The following HEATR1 variants were observed in gnomAD, a reference collection of about 807,000 sequenced individuals.
HEATR1 encodes HEAT repeat containing 1.
In HEATR1, 77 loss-of-function variants were observed where a neutral mutation model predicts 248.2. The observed-to-expected ratio is 0.31, with a 90% confidence interval of 0.26 to 0.37. HEATR1 has a LOEUF of 0.37. Ranked by LOEUF, HEATR1 falls within the 10% of genes least tolerant of loss-of-function variation. The pLI is 1.00. For missense variants in HEATR1, 2,420 were observed against 2,504.9 expected (o/e 0.97, Z 0.72); for synonymous variants, 897 against 923.1 (o/e 0.97, Z 0.51).
At chr1:236,578,532 A>AAATCTTTGGAC (rs1443999195) in intron 20 of HEATR1, among the ~76,000 whole-genome samples, 6 of 152,196 alleles carry the variant, frequency 3.9e-5, no homozygotes, top group African/African-American at 1.4e-4. Context: ...ATGCCTTTTC[A>AAATCTTTGGAC]AATCTTTGGA....
intron 28 of HEATR1, among the ~76,000 whole-genome samples, chr1:236,570,145 C>T (rs761613956): frequency 8.6e-5 from 13 of 152,026 alleles, no homozygotes; most frequent in South Asian, 2.1e-4. Flanking sequence ...AAAAATTAGC[C>T]GGGCGTGGTG....
chr1:236,558,881 A>G, intron 35 of HEATR1, 114 bp downstream of exon 35: 3 of 914,424 alleles, frequency 3.3e-6, no homozygotes, highest in Middle Eastern at 5.2e-4. Context: ...TTATATTCAG[A>G]AAATAATATA....
chr1:236,603,457 C>A, intron 2 of HEATR1, 81 bp from the exon 3 acceptor site: 1 of 1,105,720 alleles, frequency 9.0e-7, no homozygotes, highest in South Asian at 1.3e-5. Flanking sequence ...GTTTTACTTA[C>A]CCCTAAGAAG....
chr1:236,576,747 AACAC>A, intron 21 of HEATR1, 29 bp downstream of exon 21: 1 of 1,587,232 alleles, frequency 6.3e-7, no homozygotes, highest in Non-Finnish European at 8.6e-7. Context: ...CAGAGGCATG[AACAC>A]ACTCAATCTT....
Position 236,583,114 on chromosome 1 carries a change from A to C in HEATR1, c.2324T>G (p.Leu775Arg). ...VELWAHYVEELNSTQRVAVED... is the reference protein window; with the variant it reads ...VELWAHYVEERNSTQRVAVED... ...CACGGCCACCCTCTGAGTGCTGTTG[A>C]GCTCTTCTACATAATGTGCCCACAG... is the stretch of plus-strand genomic sequence containing the variant. The change falls in exon 18 of 45, where the codon CTC becomes CGC. Residue 775 changes from leucine to arginine, a missense_variant. Coordinates refer to ENST00000366582, the MANE Select transcript of HEATR1 (RefSeq NM_018072.6). 6.2e-7 allele frequency: 1 copy of C among 1,614,110 alleles called. No homozygotes were observed. Among genetic ancestry groups the C allele is most frequent in the African/African-American group, 1.3e-5 (1 of 75,054 alleles).
rs754328458 is a variant in HEATR1 at position 236,599,593 on chromosome 1, G to A, written c.391C>T (p.Leu131Phe). ...TGGTATGGCAGAACACAAGCAATGA[G>A]GCTATCTTGATTATAGAGATGTATA... ...FHIHLYNQDS[L>F]IACVLPYHET... Residue 131 changes from leucine to phenylalanine, a missense_variant, in exon 4 of 45, where the codon CTC becomes TTC. Coordinates refer to ENST00000366582, the MANE Select transcript of HEATR1 (RefSeq NM_018072.6). The A allele has an allele frequency of 7.4e-6, 12 of 1,613,386 alleles. No homozygotes were observed. The highest frequency in any genetic ancestry group is 1.0e-5 in the Non-Finnish European group (12 of 1,179,634).
Position 236,549,481 on chromosome 1 carries a change from G to A in HEATR1, c.*1421C>T, listed in dbSNP as rs1662612500. ...AGGAATATTTTCAGAACAGATTTTA[G>A]ATATTATTTCTATCCATATATTGAA... On this transcript the variant is annotated 3_prime_UTR_variant, in exon 45 of 45. Coordinates refer to ENST00000366582, the MANE Select transcript of HEATR1 (RefSeq NM_018072.6). The A allele has an allele frequency of 6.5e-6, 1 of 152,672 alleles. No homozygotes were observed. Among genetic ancestry groups the A allele is most frequent in the African/African-American group, 2.4e-5 (1 of 41,478 alleles). 9.5% of individuals were successfully genotyped at this position (152,672 alleles called of 1,614,324 possible). A position where few individuals can be genotyped will look rare whatever the true frequency, so the allele number is the denominator to read the frequency against.
In HEATR1 at chr1:236,572,842, GGAA is replaced by G; in HGVS notation, c.3460-17_3460-15del. 6.2e-7 allele frequency: 1 copy of G among 1,600,436 alleles called. No individual in the cohort carries two copies. Among genetic ancestry groups the G allele is most frequent in the Non-Finnish European group, 8.6e-7 (1 of 1,167,846 alleles). ...ATTAACGGAAATCTGAAATATTGAA[GGAA>G]GAAGAGTTGATGATATAATCCATTG... On this transcript the variant is annotated splice_polypyrimidine_tract_variant and intron_variant, in intron 24 of 44. Transcript: ENST00000366582.
rs145813934 is a variant in HEATR1, at chr1:236,583,070, C to T, written c.2368G>A (p.Val790Ile). Reference sequence around the variant, plus strand: ...TAAATAAATTTTTTCAAGGAAAATACAAGAAAAACCGAGTCCTCCACGGCC... The same window carrying T: ...TAAATAAATTTTTTCAAGGAAAATATAAGAAAAACCGAGTCCTCCACGGCC... Reference protein sequence around the residue: ...RVAVEDSVFLVFSLKKFIYAL... With the variant: ...RVAVEDSVFLIFSLKKFIYAL... Residue 790 changes from valine (V) to isoleucine (I), a missense_variant, in exon 18 of 45, where the codon GTA becomes ATA. Physicochemically the swap from Val to Ile is conservative, Grantham distance 29 (BLOSUM62 3). Coordinates refer to ENST00000366582, the MANE Select transcript of HEATR1 (RefSeq NM_018072.6). 4.0e-4 allele frequency: 641 copies of T among 1,614,014 alleles called. 6 individuals carry two copies. The Middle Eastern group carries it at 7.4e-3, about 19-fold the overall frequency.
chr1:236,598,633 A>G (rs1164425216), intron 4 of HEATR1, among the ~76,000 whole-genome samples: 1 of 152,198 alleles, frequency 6.6e-6, no homozygotes, highest in Admixed American at 6.5e-5. Context: ...AACATTCTTT[A>G]GTTCAAGTGC....
intron 28 of HEATR1, among the ~76,000 whole-genome samples, chr1:236,569,897 T>TG (rs1480998414): frequency 6.6e-6 from 1 of 152,210 alleles, no homozygotes; most frequent in Non-Finnish European, 1.5e-5. Context: ...CATCAACCGA[T>TG]GAACAGATAA....
At chr1:236,597,834 C>T (rs988179368) in intron 5 of HEATR1, 44 bp downstream of exon 5, 1 of 1,242,512 alleles carries the variant, frequency 8.0e-7, no homozygotes, top group Non-Finnish European at 1.2e-6. Flanking sequence ...TCAAAGCAAG[C>T]AATCTTTTCA....
rs1663280598 is a variant in HEATR1, at chr1:236,566,675, T to C, written c.4279A>G (p.Thr1427Ala). Residue 1427 changes from threonine to alanine, a missense_variant, in exon 30 of 45, where the codon ACA becomes GCA. By Grantham distance (58) the Thr-to-Ala change is moderately conservative (BLOSUM62 0). Coordinates refer to ENST00000366582, the MANE Select transcript of HEATR1 (RefSeq NM_018072.6). ...ILLFEQYVTKTVLAAAYGEKD... is the reference protein window; with the variant it reads ...ILLFEQYVTKAVLAAAYGEKD... ...TCGCCATAGGCAGCCGCCAGCACTG[T>C]TTTTGTGACATACTGTTCAAAAAGC... is the stretch of plus-strand genomic sequence containing the variant. 1.9e-6 allele frequency: 3 copies of C among 1,613,786 alleles called. No homozygotes were observed. The highest frequency in any genetic ancestry group is 4.5e-5 in the East Asian group (2 of 44,880).
At position 236,550,939 on chromosome 1, in the gene HEATR1, T is replaced by C. The variant is rs2103118253; in HGVS notation, c.6398A>G (p.Glu2133Gly). ...HQCQKTIQQL[E>G]TVLGEPLQSY... Reference sequence around the variant, plus strand: ...CTGGAGTGGCTCTCCCAGGACAGTTTCCAGTTGCTGAATAGTCTTTTGGCA... The same window carrying C: ...CTGGAGTGGCTCTCCCAGGACAGTTCCCAGTTGCTGAATAGTCTTTTGGCA... Residue 2133 changes from glutamate (E) to glycine (G), a missense_variant, in exon 45 of 45, where the codon GAA becomes GGA. Glu to Gly is a moderately conservative substitution (Grantham distance 98, BLOSUM62 -2). Coordinates refer to ENST00000366582, the MANE Select transcript of HEATR1 (RefSeq NM_018072.6). 1.2e-6 allele frequency: 2 copies of C among 1,610,092 alleles called. No individual in the cohort carries two copies. The highest frequency in any genetic ancestry group is 1.7e-4 in the Middle Eastern group (1 of 6,040).
At chr1:236,551,801 C>G (rs1038683838) in intron 44 of HEATR1, 198 bp downstream of exon 44, 4 of 540,016 alleles carry the variant, frequency 7.4e-6, no homozygotes. Flanking sequence ...GTGGTCACTT[C>G]GCAACTTGCT....
intron 9 of HEATR1, among the ~76,000 whole-genome samples, chr1:236,592,938 T>C (rs1664080213): frequency 6.6e-6 from 1 of 152,218 alleles, no homozygotes; most frequent in African/African-American, 2.4e-5. Flanking sequence ...CTCACGCCTG[T>C]AATCCCAGTA....
At chr1:236,554,507 C>G in intron 42 of HEATR1, 91 bp downstream of exon 42, 3 of 1,156,118 alleles carry the variant, frequency 2.6e-6, no homozygotes, top group Non-Finnish European at 3.7e-6. Context: ...AAGAAAAATC[C>G]TAGCAAGCTG....
intron 5 of HEATR1, 138 bp from the exon 6 acceptor site, chr1:236,597,114 G>T: frequency 5.9e-6 from 3 of 505,288 alleles, no homozygotes; most frequent in Non-Finnish European, 9.4e-6. Context: ...GACAAAGCAA[G>T]TCCATGTCTC....
chr1:236,576,887 G>A lies in HEATR1; in HGVS notation c.2818C>T (p.Gln940Ter). The part of the protein sequence containing the change: ...PVKEVRRAAI[Q>*]CLQALSGVAS... ...ACTCCACTGAGGGCCTGGAGACACT[G>A]AATGGCAGCCCTACGAACTTCTTTT... The change falls in exon 21 of 45, where the codon CAG becomes TAG. Residue 940 changes from glutamine (Q) to a stop codon, truncating the protein, a stop_gained. Transcript: ENST00000366582. LOFTEE classifies it high-confidence loss of function. The A allele has an allele frequency of 6.2e-7, 1 of 1,613,862 alleles. No individual in the cohort carries two copies. Among genetic ancestry groups the A allele is most frequent in the Non-Finnish European group, 8.5e-7 (1 of 1,179,832 alleles).
Sources: gnomAD v4.1 joint callset for allele counts (sites outside exome capture counted in the v4.1 genomes callset) on GRCh38, gnomAD v4.1.1 for gene constraint, MANE v1.5 for transcripts, NCBI Gene and HGNC (gene_info 2026-07-23, HGNC 2026-07-21) for gene names.